BEAN1: variants seen among roughly 807,000 people sequenced by gnomAD.
BEAN1 encodes the protein brain expressed associated with NEDD4 1, also known as protein BEAN1.
A neutral mutation model predicts 17.7 loss-of-function variants in BEAN1; 17 were observed. That is an observed-to-expected ratio of 0.96 (90% CI 0.66 to 1.44). BEAN1 has a LOEUF of 1.44. Ranked by LOEUF, BEAN1 falls within the 40% of genes most tolerant of loss-of-function variation. The pLI is 0.00. For synonymous variants in BEAN1, 142 were observed against 151.8 expected (o/e 0.94, Z 0.47); for missense variants, 359 against 374.1 (o/e 0.96, Z 0.33).
At chr16:66,449,941 C>A (rs1962608456) in intron 2 of BEAN1, among the ~76,000 whole-genome samples, 1 of 152,172 alleles carries the variant, frequency 6.6e-6, no homozygotes, top group Non-Finnish European at 1.5e-5. Flanking sequence ...AATTCCCAGA[C>A]ATTATGTAAT....
At chr16:66,466,001 A>T (rs1235820411) in intron 2 of BEAN1, among the ~76,000 whole-genome samples, 1 of 152,206 alleles carries the variant, frequency 6.6e-6, no homozygotes, top group Non-Finnish European at 1.5e-5. Flanking sequence ...TTTAGTAGAG[A>T]TGGAGTGTCA....
intron 3 of BEAN1, among the ~76,000 whole-genome samples, chr16:66,474,602 GAGA>G (rs1963638908): frequency 5.8e-5 from 1 of 17,348 alleles, no homozygotes; most frequent in East Asian, 1.9e-3. Flanking sequence ...GGGAGGGAGG[GAGA>G]GAGGGAGGGA....
At chr16:66,488,525 A>AC (rs1964120450) in intron 4 of BEAN1, among the ~76,000 whole-genome samples, 1 of 143,288 alleles carries the variant, frequency 7.0e-6, no homozygotes, top group African/African-American at 2.8e-5. Flanking sequence ...TACCAAAAAA[A>AC]AAAAAAAAAA....
intron 4 of BEAN1, among the ~76,000 whole-genome samples, chr16:66,490,459 A>AACT (rs1964160946): frequency 8.6e-6 from 1 of 115,634 alleles, no homozygotes; most frequent in Non-Finnish European, 1.7e-5. Context: ...TAAAATAATA[A>AACT]AATAAAAAGA....
At chr16:66,437,130 G>A (rs1451551665) in intron 1 of BEAN1, among the ~76,000 whole-genome samples, 1 of 151,166 alleles carries the variant, frequency 6.6e-6, no homozygotes, top group African/African-American at 2.5e-5. Flanking sequence ...TAATAATATG[G>A]TTTGGGCTAG....
Position 66,434,685 on chromosome 16 carries a change from C to T in BEAN1, c.-82-2910C>T, listed in dbSNP as rs779865984. Among the ~76,000 whole-genome samples the T allele has an allele frequency of 5.3e-5, 8 of 152,020 alleles. No homozygotes were observed. Among genetic ancestry groups the T allele is most frequent in the African/African-American group, 1.4e-4 (6 of 41,394 alleles). On this transcript the variant is annotated intron_variant, in intron 1 of 4. Coordinates refer to ENST00000536005, the MANE Select transcript of BEAN1 (RefSeq NM_001178020.3). The surrounding 1 kb of genome is among the most constrained non-coding windows in gnomAD (Gnocchi z 4.3). The stretch of plus-strand genomic sequence containing the variant: ...TTGCAGGAGGCAGGGAGTGGCAGCC[C>T]GGGTTACTGTTGGCATCGTGGTCAC...
chr16:66,433,295 G>A (rs374018768), intron 1 of BEAN1, among the ~76,000 whole-genome samples: 1 of 152,128 alleles, frequency 6.6e-6, no homozygotes, highest in East Asian at 1.9e-4. Context: ...ATTTTTAGTA[G>A]AGATAGGATT....
chr16:66,429,559 G>A (rs957533284), intron 1 of BEAN1, among the ~76,000 whole-genome samples: 4 of 152,180 alleles, frequency 2.6e-5, no homozygotes, highest in Admixed American at 2.6e-4. Flanking sequence ...TGGCCCAGCT[G>A]CCCAGAACAG....
intron 3 of BEAN1, among the ~76,000 whole-genome samples, chr16:66,474,849 T>C (rs2142449603): frequency 6.6e-6 from 1 of 152,326 alleles, no homozygotes; most frequent in South Asian, 2.1e-4. Context: ...TGGCTGACTC[T>C]GTCTCCTGTC....
rs1444567004 is a variant in BEAN1, at chr16:66,427,756, G to C, written c.-83+325G>C. On this transcript the variant is annotated intron_variant, in intron 1 of 4. Coordinates refer to ENST00000536005, the MANE Select transcript of BEAN1 (RefSeq NM_001178020.3). The surrounding 1 kb of genome is among the most constrained non-coding windows in gnomAD (Gnocchi z 4.7). Reference sequence around the variant, plus strand: ...TCTGCCTGACTCGAGTCCCCGACGAGCATCAACCGCATTTGGGGAACCCAA... The same window carrying C: ...TCTGCCTGACTCGAGTCCCCGACGACCATCAACCGCATTTGGGGAACCCAA... 2 of 152,144 alleles carry C rather than the reference G, an allele frequency of 1.3e-5. No individual in the cohort carries two copies. Among genetic ancestry groups the C allele is most frequent in the Non-Finnish European group, 2.9e-5 (2 of 68,050 alleles). The allele number at this position is 152,144 out of a possible 1,614,324, so 9.4% of individuals were successfully genotyped here.
intron 4 of BEAN1, 129 bp from the exon 5 acceptor site, chr16:66,480,457 C>T: frequency 1.5e-6 from 1 of 684,694 alleles, no homozygotes; most frequent in Non-Finnish European, 2.4e-6. Flanking sequence ...TCATTGGAGC[C>T]AGCGTGGACA....
intron 2 of BEAN1, among the ~76,000 whole-genome samples, chr16:66,458,026 C>T (rs1049848570): frequency 2.0e-5 from 3 of 152,296 alleles, no homozygotes; most frequent in South Asian, 2.1e-4. Context: ...CAGACTTGCC[C>T]GGGAAGTGGA....
At chr16:66,480,117 C>G (rs1054581414) in intron 4 of BEAN1, among the ~76,000 whole-genome samples, 4 of 152,124 alleles carry the variant, frequency 2.6e-5, no homozygotes, top group African/African-American at 9.7e-5. Flanking sequence ...CCAGTCCTTT[C>G]GGGGCAATGG....
intron 1 of BEAN1, among the ~76,000 whole-genome samples, chr16:66,431,467 A>G (rs958084499): frequency 6.6e-6 from 1 of 152,254 alleles, no homozygotes; most frequent in Non-Finnish European, 1.5e-5. Flanking sequence ...TAAAATCATT[A>G]AAAATGTAAA....
chr16:66,484,598 G>A (rs566879976), downstream of BEAN1: 7 of 454,130 alleles, frequency 1.5e-5, no homozygotes, highest in South Asian at 6.2e-5. The surrounding 1 kb of genome is among the most constrained non-coding windows in gnomAD (Gnocchi z 4.2). Context: ...ATGGAGACAG[G>A]GGCCCCAGGG....
At chr16:66,461,730 G>C (rs1356414232) in intron 2 of BEAN1, among the ~76,000 whole-genome samples, 1 of 152,190 alleles carries the variant, frequency 6.6e-6, no homozygotes, top group Non-Finnish European at 1.5e-5. Flanking sequence ...TCTGGGGTCA[G>C]AAGACATTCC....
rs2142442816 is a variant in BEAN1 at position 66,473,378 on chromosome 16, G to A, written c.289+3513G>A. On this transcript the variant is annotated intron_variant, in intron 3 of 4. Coordinates refer to ENST00000536005, the MANE Select transcript of BEAN1 (RefSeq NM_001178020.3). The surrounding 1 kb of genome is among the most constrained non-coding windows in gnomAD (Gnocchi z 4.5). The stretch of plus-strand genomic sequence containing the variant: ...CCTCCCTGCCCCACTTCTGCACTCG[G>A]CTACAGCTTTGACACCTCCTGGGGC... Among the ~76,000 whole-genome samples, 1 of 152,296 alleles carries A rather than the reference G, an allele frequency of 6.6e-6. No homozygotes were observed. Among genetic ancestry groups the A allele is most frequent in the South Asian group, 2.1e-4 (1 of 4,830 alleles).
intron 2 of BEAN1, among the ~76,000 whole-genome samples, chr16:66,447,715 T>C (rs989555582): frequency 6.6e-6 from 1 of 152,150 alleles, no homozygotes; most frequent in African/African-American, 2.4e-5. Flanking sequence ...CTCAGGCAAA[T>C]AGATTCTCCC....
At chr16:66,487,830 T>C (rs1964110010), downstream of BEAN1, among the ~76,000 whole-genome samples, 1 of 152,146 alleles carries the variant, frequency 6.6e-6, no homozygotes, top group Non-Finnish European at 1.5e-5. Context: ...AGATCTCCCA[T>C]GCCTCCACCT....
Sources: allele counts gnomAD v4.1 joint callset (sites outside exome capture counted in the v4.1 genomes callset), GRCh38; gene constraint gnomAD v4.1.1; non-coding constraint Gnocchi (gnomAD v3.1); transcripts MANE v1.5; gene names NCBI Gene and HGNC (gene_info 2026-07-23, HGNC 2026-07-21).